FNDC3A: variants seen among roughly 807,000 people sequenced by gnomAD.
FNDC3A encodes the protein fibronectin type-III domain-containing protein 3A.
Under a neutral mutation model 148.9 loss-of-function variants are expected in FNDC3A, and 32 were observed. The observed-to-expected ratio is 0.21, with a 90% confidence interval of 0.16 to 0.29. The LOEUF is 0.29. Ranked by LOEUF, FNDC3A falls within the 10% of genes least tolerant of loss-of-function variation. The pLI is 1.00. For missense variants in FNDC3A, 1,191 were observed against 1,452.8 expected (o/e 0.82, Z 2.93); for synonymous variants, 472 against 473.6 (o/e 1.00, Z 0.04).
At chr13:49,184,659 G>C (rs1397210630) in intron 14 of FNDC3A, among the ~76,000 whole-genome samples, 1 of 152,146 alleles carries the variant, frequency 6.6e-6, no homozygotes, top group Non-Finnish European at 1.5e-5. Flanking sequence ...ATTGGGGAGA[G>C]AGACCCTGGG....
intron 2 of FNDC3A, among the ~76,000 whole-genome samples, chr13:49,024,934 C>T (rs1266098386): frequency 6.6e-6 from 1 of 151,928 alleles, no homozygotes; most frequent in Non-Finnish European, 1.5e-5. Flanking sequence ...ATTTTTCTCT[C>T]TGCTTCTAAA....
intron 3 of FNDC3A, among the ~76,000 whole-genome samples, chr13:49,086,096 G>C (rs914955637): frequency 6.6e-6 from 1 of 152,118 alleles, no homozygotes; most frequent in Non-Finnish European, 1.5e-5. Flanking sequence ...TGGCCAGGCT[G>C]GTCTTGAACT....
At chr13:49,086,750 A>G (rs1222804372) in intron 3 of FNDC3A, among the ~76,000 whole-genome samples, 1 of 152,128 alleles carries the variant, frequency 6.6e-6, no homozygotes. Context: ...ATAGGTAACT[A>G]TTTTTCATAC....
chr13:49,159,511 G>GT (rs1469913548), intron 8 of FNDC3A, among the ~76,000 whole-genome samples: 2 of 152,160 alleles, frequency 1.3e-5, no homozygotes, highest in Non-Finnish European at 2.9e-5. Flanking sequence ...GCTTAAGGAG[G>GT]TTTCGGGCTG....
chr13:49,068,535 A>G (rs2137760393), intron 2 of FNDC3A, among the ~76,000 whole-genome samples: 1 of 152,286 alleles, frequency 6.6e-6, no homozygotes, highest in Non-Finnish European at 1.5e-5. Context: ...TGACCCAGCA[A>G]TTCCATTACT....
chr13:49,083,511 A>ACACTTTGGGAGGCCGAGGCG (rs1878612503), intron 3 of FNDC3A, among the ~76,000 whole-genome samples: 1 of 152,204 alleles, frequency 6.6e-6, no homozygotes, highest in African/African-American at 2.4e-5. Context: ...GTTTAAAAGA[A>ACACTTTGGGAGGCCGAGGCG]GTATTGACAA....
chr13:49,187,414 C>T lies in FNDC3A; in HGVS notation c.1825+224C>T, dbSNP rs1885636399. 5 of 1,023,778 alleles carry T rather than the reference C, an allele frequency of 4.9e-6. No individual in the cohort carries two copies. The Admixed American group carries it at 5.3e-5, about 11-fold the overall frequency. 63.4% of individuals were successfully genotyped at this position (1,023,778 alleles called of 1,614,324 possible). A position where few individuals can be genotyped will look rare whatever the true frequency, so the allele number is the denominator to read the frequency against. ...ATGCCATATGAGTTCAAGTTTGATC[C>T]ACTTCCAGAGGCTGTACCTCTTAAA... is the stretch of plus-strand genomic sequence containing the variant. On this transcript the variant is annotated intron_variant, in intron 16 of 25. Transcript: ENST00000492622.
At chr13:49,105,318 GAC>G (rs1880105225) in intron 3 of FNDC3A, among the ~76,000 whole-genome samples, 1 of 152,150 alleles carries the variant, frequency 6.6e-6, no homozygotes, top group South Asian at 2.1e-4. Flanking sequence ...AAAACCCTAA[GAC>G]ACAGCATTTC....
chr13:49,048,858 T>C (rs893165159), intron 2 of FNDC3A, among the ~76,000 whole-genome samples: 4 of 152,152 alleles, frequency 2.6e-5, no homozygotes, highest in Non-Finnish European at 5.9e-5. Flanking sequence ...ATTCACTGAA[T>C]AGAAGTGGTA....
intron 8 of FNDC3A, chr13:49,146,807 T>C (rs1883024232): frequency 1.3e-5 from 2 of 152,228 alleles, no homozygotes; most frequent in Admixed American, 6.5e-5. Flanking sequence ...TTGTGACATT[T>C]ATGATTGACA....
At chr13:49,042,862 A>T (rs952965006) in intron 2 of FNDC3A, among the ~76,000 whole-genome samples, 4 of 152,108 alleles carry the variant, frequency 2.6e-5, no homozygotes, top group African/African-American at 7.2e-5. Flanking sequence ...CTTACTGTAG[A>T]ATGTTTTGGT....
intron 1 of FNDC3A, among the ~76,000 whole-genome samples, chr13:49,003,412 C>G (rs1416652890): frequency 6.6e-6 from 1 of 152,058 alleles, no homozygotes; most frequent in Non-Finnish European, 1.5e-5. Flanking sequence ...TGTTATTTTT[C>G]TATCTTTTTT....
rs889212381 is a variant in FNDC3A, at chr13:48,986,399, T to G, written c.-40+10222T>G. 2.0e-3 allele frequency among the ~76,000 whole-genome samples: 236 copies of G among 119,598 alleles called. 1 individual carries two copies. The highest frequency in any genetic ancestry group is 7.1e-3 in the African/African-American group (222 of 31,352). The allele number at this position is 119,598 out of a possible 152,430, so 78.5% of individuals were successfully genotyped here. On this transcript the variant is annotated intron_variant, in intron 1 of 25. Coordinates refer to ENST00000492622, the MANE Select transcript of FNDC3A (RefSeq NM_001079673.2). ...AGAAGGAAGTTGTTTTTTTTTTTTTTTTTTTTTTTTTTTTGAGGCGGAGTC... is the reference window on the plus strand; with the variant it reads ...AGAAGGAAGTTGTTTTTTTTTTTTTGTTTTTTTTTTTTTTGAGGCGGAGTC...
At chr13:49,066,201 T>C (rs189622362) in intron 2 of FNDC3A, among the ~76,000 whole-genome samples, 1 of 152,306 alleles carries the variant, frequency 6.6e-6, no homozygotes, top group East Asian at 1.9e-4. Flanking sequence ...TGTATTCGTT[T>C]TGGTTATTAA....
At chr13:49,114,859 T>A in intron 4 of FNDC3A, 128 bp downstream of exon 4, 1 of 715,890 alleles carries the variant, frequency 1.4e-6, no homozygotes, top group South Asian at 1.8e-5. Flanking sequence ...GTATCTATCA[T>A]AAATCTATTT....
At chr13:49,130,107 G>C (rs1477699204) in intron 4 of FNDC3A, among the ~76,000 whole-genome samples, 2 of 152,020 alleles carry the variant, frequency 1.3e-5, no homozygotes, top group Non-Finnish European at 2.9e-5. Context: ...TTAAGATAAA[G>C]TCCTTTAATT....
intron 2 of FNDC3A, among the ~76,000 whole-genome samples, chr13:49,017,606 A>G (rs1165963508): frequency 2.0e-5 from 3 of 151,692 alleles, no homozygotes; most frequent in African/African-American, 7.3e-5. Context: ...TTTACATTTA[A>G]AGTTAATATT....
At chr13:49,120,693 A>G (rs1881280267) in intron 4 of FNDC3A, among the ~76,000 whole-genome samples, 1 of 152,130 alleles carries the variant, frequency 6.6e-6, no homozygotes, top group Non-Finnish European at 1.5e-5. Context: ...AGGAGTTGCA[A>G]TCCTAGTCTC....
chr13:49,203,251 A>C lies in FNDC3A; in HGVS notation c.3249A>C (p.Gln1083His), dbSNP rs895159650. The C allele has an allele frequency of 6.2e-7, 1 of 1,608,354 alleles. No homozygotes were observed. The change falls in exon 25 of 26, where the codon CAA becomes CAC. Residue 1083 changes from glutamine to histidine, a missense_variant. Around this residue, in one of 3 missense-constraint regions of FNDC3A, gnomAD observed 751 missense variants for 944.0 expected, o/e 0.80. Transcript: ENST00000492622. Reference sequence around the variant, plus strand: ...GTGATCCAGTTATTTACAGTCTTCAAGTTATGTTGGGAAAAGATTCAGAAT... The same window carrying C: ...GTGATCCAGTTATTTACAGTCTTCACGTTATGTTGGGAAAAGATTCAGAAT... ...MKGDPVIYSL[Q>H]VMLGKDSEFK...
Sources: allele counts gnomAD v4.1 joint callset (sites outside exome capture counted in the v4.1 genomes callset), GRCh38; gene constraint gnomAD v4.1.1; regional missense constraint gnomAD v4.1.1; transcripts MANE v1.5; gene names NCBI Gene and HGNC (gene_info 2026-07-23, HGNC 2026-07-21).